MAPKAPK2: variants seen among roughly 807,000 people sequenced by gnomAD.
The protein encoded by MAPKAPK2 is MAP kinase-activated protein kinase 2.
A neutral mutation model predicts 48.8 loss-of-function variants in MAPKAPK2; 9 were observed. The observed-to-expected ratio is 0.18, with a 90% CI of 0.11 to 0.32. MAPKAPK2 has a LOEUF of 0.32. Ranked by LOEUF, MAPKAPK2 falls within the 10% of genes least tolerant of loss-of-function variation. The probability of loss-of-function intolerance (pLI) is 1.00; values close to 1 mark genes in which losing one functional copy is unlikely to be tolerated. For synonymous variants in MAPKAPK2, 202 were observed against 190.6 expected, an observed-to-expected ratio of 1.06 and a Z score of -0.49; for missense variants, 331 against 498.3, an observed-to-expected ratio of 0.66 and a Z score of 3.20.
chr1:206,731,332 G>T lies in MAPKAPK2; in HGVS notation c.892+70G>T. On this transcript the variant is annotated intron_variant, in intron 7 of 9. Coordinates refer to ENST00000367103, the MANE Select transcript of MAPKAPK2 (RefSeq NM_032960.4). The surrounding 1 kb of genome is among the most constrained non-coding windows in gnomAD (Gnocchi z 5.9). ...TGTGTGTGTGTGTATGTGTGTACAC[G>T]CAGACACATGTATGGGCCTCCATCT... 1 of 1,594,714 alleles carries T rather than the reference G, an allele frequency of 6.3e-7. No individual in the cohort carries two copies. The highest frequency in any genetic ancestry group is 8.6e-7 in the Non-Finnish European group (1 of 1,169,116).
chr1:206,715,591 C>T (rs1553430215), intron 1 of MAPKAPK2, among the ~76,000 whole-genome samples: 1 of 151,200 alleles, frequency 6.6e-6, no homozygotes, highest in African/African-American at 2.4e-5. Context: ...TTGGTCTCAA[C>T]ATCTAAATAT....
At position 206,731,992 on chromosome 1, in the gene MAPKAPK2, C is replaced by T. The variant is rs782803294; in HGVS notation, c.1059+73C>T. On this transcript the variant is annotated intron_variant, in intron 9 of 9. Coordinates refer to ENST00000367103, the MANE Select transcript of MAPKAPK2 (RefSeq NM_032960.4). This position sits in a 1 kb window ranked among gnomAD's most constrained non-coding sequence, Gnocchi z 5.9. ...TTGCGGGGAGTGCCCAGGTGTGAGG[C>T]GTGGTGCTGGTAGGGGAGAGCTTGA... The T allele has an allele frequency of 1.1e-5, 18 of 1,613,842 alleles. No individual in the cohort carries two copies. In the South Asian group the frequency reaches 1.2e-4, roughly 11 times the overall value.
intron 1 of MAPKAPK2, among the ~76,000 whole-genome samples, chr1:206,705,824 G>A (rs184793346): frequency 1.1e-4 from 17 of 152,326 alleles, no homozygotes; most frequent in Admixed American, 9.1e-4. Context: ...TGCTTGGAAC[G>A]TTGGTCGGAG....
intron 1 of MAPKAPK2, among the ~76,000 whole-genome samples, chr1:206,688,877 G>C (rs781859785): frequency 2.0e-5 from 3 of 152,080 alleles, no homozygotes; most frequent in Non-Finnish European, 4.4e-5. Flanking sequence ...CTCGTGATCT[G>C]CCTGCCTCAG....
chr1:206,701,717 C>T (rs144960106), intron 1 of MAPKAPK2, among the ~76,000 whole-genome samples: 89 of 150,270 alleles, frequency 5.9e-4, no homozygotes, highest in African/African-American at 1.8e-3. Context: ...ACACATGGTT[C>T]GATCTACTCA....
chr1:206,706,497 C>T (rs1553428583), intron 1 of MAPKAPK2, among the ~76,000 whole-genome samples: 1 of 152,220 alleles, frequency 6.6e-6, no homozygotes, highest in African/African-American at 2.4e-5. Context: ...TACTTGCAGA[C>T]TCCCAGGCTC....
intron 1 of MAPKAPK2, among the ~76,000 whole-genome samples, chr1:206,711,110 G>T (rs1673127146): frequency 6.6e-6 from 1 of 152,206 alleles, no homozygotes; most frequent in African/African-American, 2.4e-5. Context: ...AGAGCTGCCT[G>T]TATTTACAAA....
intron 1 of MAPKAPK2, among the ~76,000 whole-genome samples, chr1:206,712,154 C>T (rs1673177323): frequency 6.6e-6 from 1 of 152,212 alleles, no homozygotes. Flanking sequence ...CAATGCTTTA[C>T]ACCTTCTCTT....
In MAPKAPK2 at chr1:206,706,113, CTTATTTATTTATTTAT is replaced by C. The variant is rs10525931; in HGVS notation, c.279+20636_279+20651del. Reference sequence around the variant, plus strand: ...AAGGCGGGGTCAGGATTTCCTATCTCTTATTTATTTATTTATTTATTTATTTATTTATTTATTTATT... The same window carrying C: ...AAGGCGGGGTCAGGATTTCCTATCTCTTATTTATTTATTTATTTATTTATT... On this transcript the variant is annotated intron_variant, in intron 1 of 9. Transcript: ENST00000367103. 2.5e-3 allele frequency among the ~76,000 whole-genome samples: 363 copies of C among 145,878 alleles called. 4 individuals carry two copies. The highest frequency in any genetic ancestry group is 6.9e-3 in the Middle Eastern group (2 of 290).
chr1:206,702,709 T>A (rs551771643), intron 1 of MAPKAPK2, among the ~76,000 whole-genome samples: 1 of 152,314 alleles, frequency 6.6e-6, no homozygotes, highest in South Asian at 2.1e-4. Context: ...AGTGTAAAAT[T>A]CAAACTCCTG....
intron 1 of MAPKAPK2, among the ~76,000 whole-genome samples, chr1:206,705,651 G>C (rs1193905446): frequency 6.6e-6 from 1 of 152,212 alleles, no homozygotes; most frequent in Non-Finnish European, 1.5e-5. Flanking sequence ...CAACCCAAGG[G>C]CATCTGGAGG....
chr1:206,717,478 G>C (rs1553430540), intron 1 of MAPKAPK2, among the ~76,000 whole-genome samples: 1 of 152,210 alleles, frequency 6.6e-6, no homozygotes, highest in African/African-American at 2.4e-5. Flanking sequence ...CATCACTGCT[G>C]TGTGCAGTGT....
At chr1:206,698,313 A>G (rs1369900494) in intron 1 of MAPKAPK2, among the ~76,000 whole-genome samples, 2 of 152,204 alleles carry the variant, frequency 1.3e-5, no homozygotes, top group African/African-American at 2.4e-5. Context: ...CCTCTGCTAT[A>G]TGAGATGAGA....
rs561365313 is a variant in MAPKAPK2 at position 206,697,012 on chromosome 1, C to T, written c.279+11504C>T. On this transcript the variant is annotated intron_variant, in intron 1 of 9. Coordinates refer to ENST00000367103, the MANE Select transcript of MAPKAPK2 (RefSeq NM_032960.4). ...CTCTACCCACTTGGATCTGCTGACT[C>T]AAGCAGGCACCTTCTATTTCTGCTT... 1.1e-4 allele frequency among the ~76,000 whole-genome samples: 16 copies of T among 152,340 alleles called. No individual in the cohort carries two copies. In the South Asian group the frequency reaches 3.3e-3, roughly 32 times the overall value.
chr1:206,716,114 T>A (rs1673321757), intron 1 of MAPKAPK2, among the ~76,000 whole-genome samples: 1 of 151,260 alleles, frequency 6.6e-6, no homozygotes, highest in Admixed American at 6.6e-5. Context: ...TTTTTTTTTT[T>A]AAACATAATT....
rs966647619 is a variant in MAPKAPK2, at chr1:206,704,919, C to T, written c.279+19411C>T. 3.3e-5 allele frequency among the ~76,000 whole-genome samples: 5 copies of T among 152,122 alleles called. No homozygotes were observed. Among genetic ancestry groups the T allele is most frequent in the Admixed American group, 6.5e-5 (1 of 15,272 alleles). ...GTTTCTCCAAGTGCAGCGCCAGTCC[C>T]GAGACACTCTGTGATCATCTAAACT... On this transcript the variant is annotated intron_variant, in intron 1 of 9. Coordinates refer to ENST00000367103, the MANE Select transcript of MAPKAPK2 (RefSeq NM_032960.4). This position sits in a 1 kb window ranked among gnomAD's most constrained non-coding sequence, Gnocchi z 4.3.
At position 206,733,534 on chromosome 1, in the gene MAPKAPK2, G is replaced by A. The variant is rs1674004466; in HGVS notation, c.*816G>A. The A allele has an allele frequency of 6.6e-6, 1 of 152,344 alleles. No individual in the cohort carries two copies. Among genetic ancestry groups the A allele is most frequent in the Non-Finnish European group, 1.5e-5 (1 of 68,156 alleles). 9.4% of individuals were successfully genotyped at this position (152,344 alleles called of 1,614,324 possible). ...TATTAGCTGGGTTCCGGGAGGCAGA[G>A]AGGAGTGACCGGGCACTGGCACTGC... On this transcript the variant is annotated 3_prime_UTR_variant, in exon 10 of 10. Transcript: ENST00000367103.
At position 206,715,518 on chromosome 1, in the gene MAPKAPK2, T is replaced by C. The variant is rs797035188; in HGVS notation, c.280-13192T>C. On this transcript the variant is annotated intron_variant, in intron 1 of 9. Transcript: ENST00000367103. The stretch of plus-strand genomic sequence containing the variant: ...TTTTAGATGATCAGAATTCACTTTT[T>C]AGAGACTTGGACCTTGTCTTTCAAA... Among the ~76,000 whole-genome samples the C allele has an allele frequency of 5.3e-5, 8 of 152,364 alleles. 1 individual carries two copies. The highest frequency in any genetic ancestry group is 1.7e-4 in the African/African-American group (7 of 41,582).
At chr1:206,690,259 C>T (rs1009573146) in intron 1 of MAPKAPK2, among the ~76,000 whole-genome samples, 44 of 152,198 alleles carry the variant, frequency 2.9e-4, no homozygotes, top group African/African-American at 9.2e-4. Context: ...CCCTCCTGGC[C>T]GTAGCCCTGA....
Sources: gnomAD v4.1 joint callset for allele counts (sites outside exome capture counted in the v4.1 genomes callset) on GRCh38, gnomAD v4.1.1 for gene constraint, Gnocchi (gnomAD v3.1) non-coding constraint, MANE v1.5 for transcripts, NCBI Gene and HGNC (gene_info 2026-07-23, HGNC 2026-07-21) for gene names.